Variants in MDGA2 observed in about 807,000 individuals in gnomAD.
The protein encoded by MDGA2 is MAM domain-containing glycosylphosphatidylinositol anchor protein 2.
A neutral mutation model predicts 117.8 loss-of-function variants in MDGA2; 40 were observed. The observed-to-expected ratio is 0.34, with a 90% CI of 0.26 to 0.44. The LOEUF (loss-of-function observed/expected upper bound fraction) is 0.44. MDGA2 is among the 20% of genes least tolerant of loss of function. The pLI, the probability that MDGA2 is intolerant of heterozygous loss-of-function variation, is 1.00. For synonymous variants in MDGA2, 452 were observed against 439.0 expected (o/e 1.03, Z -0.37); for missense variants, 1,123 against 1,250.6 (o/e 0.90, Z 1.54).
chr14:47,619,146 CACACAGATACAT>C (rs1566544414), intron 1 of MDGA2, among the ~76,000 whole-genome samples: 4 of 133,190 alleles, frequency 3.0e-5, no homozygotes, highest in African/African-American at 1.0e-4. Flanking sequence ...CACACACACA[CACACAGATACAT>C]TATCTACAAA....
chr14:47,046,151 GATAATA>G (rs894699680), intron 7 of MDGA2, among the ~76,000 whole-genome samples: 10 of 144,392 alleles, frequency 6.9e-5, no homozygotes, highest in African/African-American at 2.5e-4. Flanking sequence ...CTTAAAGTAT[GATAATA>G]ATAATAATAA....
chr14:47,158,567 G>C (rs1883504842), intron 3 of MDGA2, among the ~76,000 whole-genome samples: 1 of 147,948 alleles, frequency 6.8e-6, no homozygotes, highest in Non-Finnish European at 1.5e-5. Flanking sequence ...TACAACCTCT[G>C]CCTCCTGTTC....
chr14:47,191,184 T>G (rs1160606321), intron 3 of MDGA2, among the ~76,000 whole-genome samples: 1 of 151,848 alleles, frequency 6.6e-6, no homozygotes, highest in Non-Finnish European at 1.5e-5. Flanking sequence ...ATTTTCCCCC[T>G]TAGGACTACA....
intron 3 of MDGA2, among the ~76,000 whole-genome samples, chr14:47,213,724 G>T (rs1885970722): frequency 6.6e-6 from 1 of 151,964 alleles, no homozygotes; most frequent in Admixed American, 6.6e-5. Flanking sequence ...GTGTTTTCCT[G>T]TTCTTGTTTC....
At chr14:47,326,548 A>G (rs1057202539) in intron 1 of MDGA2, among the ~76,000 whole-genome samples, 1 of 152,106 alleles carries the variant, frequency 6.6e-6, no homozygotes, top group African/African-American at 2.4e-5. Context: ...CCTCTTATCT[A>G]AATTTCAAAG....
rs796558671 is a variant in MDGA2 at position 47,335,741 on chromosome 14, T to C, written c.281-34191A>G. 3.7e-4 allele frequency among the ~76,000 whole-genome samples: 5 copies of C among 13,520 alleles called. 1 individual carries two copies. Among genetic ancestry groups the C allele is most frequent in the East Asian group, 8.3e-3 (1 of 120 alleles). 8.9% of individuals were successfully genotyped at this position (13,520 alleles called of 152,430 possible). A position where few individuals can be genotyped will look rare whatever the true frequency, so the allele number is the denominator to read the frequency against. On this transcript the variant is annotated intron_variant, in intron 1 of 16. Transcript: ENST00000399232. ...CACATGCACACATATATTTTATATA[T>C]ATATATACATACATACATACAGGAT... is the stretch of plus-strand genomic sequence containing the variant.
chr14:46,878,111 T>A (rs967879816), intron 11 of MDGA2, among the ~76,000 whole-genome samples: 5 of 151,980 alleles, frequency 3.3e-5, no homozygotes, highest in Non-Finnish European at 5.9e-5. Flanking sequence ...TTTAAAATGA[T>A]GAGCAATACA....
intron 1 of MDGA2, among the ~76,000 whole-genome samples, chr14:47,530,012 T>A (rs765263985): frequency 6.6e-6 from 1 of 152,094 alleles, no homozygotes; most frequent in Non-Finnish European, 1.5e-5. Flanking sequence ...CAATGCCAGG[T>A]TGGGCTGCCA....
chr14:47,263,735 C>T (rs1216104485), intron 2 of MDGA2, among the ~76,000 whole-genome samples: 2 of 152,048 alleles, frequency 1.3e-5, no homozygotes, highest in African/African-American at 2.4e-5. Context: ...AGATGATTTG[C>T]CTTGACAAAT....
intron 1 of MDGA2, among the ~76,000 whole-genome samples, chr14:47,604,877 G>A (rs1230285648): frequency 6.6e-6 from 1 of 152,086 alleles, no homozygotes; most frequent in Admixed American, 6.6e-5. Context: ...GCCACATAGA[G>A]AAAAGCCCAG....
At chr14:47,269,809 AC>A (rs1888088154) in intron 2 of MDGA2, among the ~76,000 whole-genome samples, 1 of 152,164 alleles carries the variant, frequency 6.6e-6, no homozygotes, top group South Asian at 2.1e-4. Flanking sequence ...CTATGTAGGC[AC>A]CTTTGAGGGT....
intron 9 of MDGA2, among the ~76,000 whole-genome samples, chr14:46,942,003 C>T (rs1354984565): frequency 6.6e-6 from 1 of 152,100 alleles, no homozygotes; most frequent in Non-Finnish European, 1.5e-5. Context: ...ATACTCCAAA[C>T]CTGACTGATA....
chr14:47,473,767 CA>C (rs764723589), intron 1 of MDGA2, among the ~76,000 whole-genome samples: 5 of 152,068 alleles, frequency 3.3e-5, no homozygotes, highest in Non-Finnish European at 7.4e-5. Flanking sequence ...CAATAAAATT[CA>C]ATATCCCTTC....
chr14:47,567,685 A>C (rs1895945015), intron 1 of MDGA2, among the ~76,000 whole-genome samples: 1 of 152,176 alleles, frequency 6.6e-6, no homozygotes, highest in Non-Finnish European at 1.5e-5. Flanking sequence ...TAGACTTCCA[A>C]TTCCACTTCC....
chr14:46,975,008 AG>A (rs1268645360), intron 8 of MDGA2, among the ~76,000 whole-genome samples: 2 of 152,242 alleles, frequency 1.3e-5, no homozygotes, highest in East Asian at 3.9e-4. Flanking sequence ...TCAACAAAAA[AG>A]CAATAGCTCA....
intron 3 of MDGA2, among the ~76,000 whole-genome samples, chr14:47,194,757 TCA>T (rs1885229475): frequency 6.6e-6 from 1 of 151,908 alleles, no homozygotes; most frequent in South Asian, 2.1e-4. Context: ...TCTCTCTCTC[TCA>T]CTCTCTCTTT....
chr14:47,128,150 T>G (rs1881997830), intron 5 of MDGA2, among the ~76,000 whole-genome samples: 1 of 152,166 alleles, frequency 6.6e-6, no homozygotes, highest in Admixed American at 6.5e-5. Context: ...AATTTTTGCA[T>G]AAGTCAATTT....
chr14:47,035,417 C>A (rs930731521), intron 7 of MDGA2, 113 bp from the exon 8 acceptor site: 3 of 811,134 alleles, frequency 3.7e-6, no homozygotes, highest in South Asian at 1.8e-5. Flanking sequence ...TGTGACAATT[C>A]GGATGATCAA....
chr14:47,341,803 G>A lies in MDGA2; in HGVS notation c.281-40253C>T, dbSNP rs182331343. On this transcript the variant is annotated intron_variant, in intron 1 of 16. Coordinates refer to ENST00000399232, the MANE Select transcript of MDGA2 (RefSeq NM_001113498.3). ...GGAGAAAACAGCAGCATGGTATTGT[G>A]GGAGAGGGTGTGCCTAGAACCTGAA... is the stretch of plus-strand genomic sequence containing the variant. Among the ~76,000 whole-genome samples, 10 of 152,186 alleles carry A rather than the reference G, an allele frequency of 6.6e-5. No individual in the cohort carries two copies. In the East Asian group the frequency reaches 1.7e-3, roughly 27 times the overall value.
Sources: gnomAD v4.1 joint callset for allele counts (sites outside exome capture counted in the v4.1 genomes callset) on GRCh38, gnomAD v4.1.1 for gene constraint, MANE v1.5 for transcripts, NCBI Gene and HGNC (gene_info 2026-07-23, HGNC 2026-07-21) for gene names.